RTTN: variants seen among roughly 807,000 people sequenced by gnomAD.
RTTN encodes rotatin.
RTTN carries 182 observed loss-of-function variants against 269.2 expected under a neutral mutation model. That is an observed-to-expected ratio of 0.68 (90% CI 0.60 to 0.76). The LOEUF (loss-of-function observed/expected upper bound fraction) is 0.76. RTTN is among the 30% of genes least tolerant of loss of function. The pLI, the probability that RTTN is intolerant of heterozygous loss-of-function variation, is 0.00. For missense variants in RTTN, 2,545 were observed against 2,608.6 expected, an observed-to-expected ratio of 0.98 and a Z score of 0.53; for synonymous variants, 1,006 against 963.5, an observed-to-expected ratio of 1.04 and a Z score of -0.82.
chr18:70,140,094 C>G lies in RTTN; in HGVS notation c.2670+6G>C. On this transcript the variant is annotated splice_donor_region_variant and intron_variant, in intron 20 of 48. Coordinates refer to ENST00000640769, the MANE Select transcript of RTTN (RefSeq NM_173630.4). ...AAAACAATGTCTAGATGCACATTAG[C>G]CTTACCTTGCCATCTTGACTCACAC... 6.4e-7 allele frequency: 1 copy of G among 1,563,028 alleles called. No homozygotes were observed. Among genetic ancestry groups the G allele is most frequent in the East Asian group, 2.3e-5 (1 of 44,406 alleles).
intron 43 of RTTN, among the ~76,000 whole-genome samples, chr18:70,026,186 C>T (rs762880671): frequency 2.1e-4 from 32 of 152,174 alleles, no homozygotes; most frequent in South Asian, 6.2e-4. Context: ...TTGCCAACAA[C>T]GCTTAAGCAC....
intron 8 of RTTN, among the ~76,000 whole-genome samples, chr18:70,191,138 G>A (rs1313443447): frequency 6.6e-6 from 1 of 151,592 alleles, no homozygotes; most frequent in Non-Finnish European, 1.5e-5. Context: ...ACGTTGCAGT[G>A]AGCTGAGATA....
At position 70,075,464 on chromosome 18, in the gene RTTN, G is replaced by A. The variant is rs1189460661; in HGVS notation, c.4452C>T (p.Cys1484=). ...TCTGATTCAAATGTTCATAAAAATG[G>A]CAGTGATATAAAAGAGCCTGAAGGG... ...KPALQALLYH[C]HFYEHLNQMV... Residue 1484 remains cysteine (C), a synonymous_variant, in exon 33 of 49, where the codon TGC becomes TGT. Transcript: ENST00000640769. 1 of 1,608,724 alleles carries A rather than the reference G, an allele frequency of 6.2e-7. No individual in the cohort carries two copies. The highest frequency in any genetic ancestry group is 2.2e-5 in the East Asian group (1 of 44,662).
chr18:70,176,773 C>A lies in RTTN; in HGVS notation c.1378G>T (p.Glu460Ter). The A allele has an allele frequency of 6.2e-7, 1 of 1,614,114 alleles. No homozygotes were observed. Among genetic ancestry groups the A allele is most frequent in the Non-Finnish European group, 8.5e-7 (1 of 1,179,986 alleles). Residue 460 changes from glutamate (E) to a stop codon, truncating the protein, a stop_gained, in exon 11 of 49, where the codon GAG (glutamate) becomes TAG (stop). Transcript: ENST00000640769. LOFTEE classifies it high-confidence loss of function. Reference sequence around the variant, plus strand: ...TGCACAAGCATCACCTCTGGCTGCTCCAAACTGATACTACTTTTATGGTAG... The same window carrying A: ...TGCACAAGCATCACCTCTGGCTGCTACAAACTGATACTACTTTTATGGTAG... The part of the protein sequence containing the change: ...MCYHKSSISL[E>*]QPEVMLVHHR...
At chr18:70,139,041 A>ACCTTAC (rs1472671207) in intron 21 of RTTN, 5 of 151,856 alleles carry the variant, frequency 3.3e-5, no homozygotes, top group African/African-American at 1.2e-4. Context: ...ACAAAACTAC[A>ACCTTAC]TGAAACGTGT....
At chr18:70,096,159 G>A (rs1385583131) in intron 28 of RTTN, among the ~76,000 whole-genome samples, 1 of 151,960 alleles carries the variant, frequency 6.6e-6, no homozygotes, top group Non-Finnish European at 1.5e-5. Context: ...GGTCATTTAT[G>A]TTCTTCTCTA....
chr18:70,182,717 T>C (rs192165018), intron 10 of RTTN, among the ~76,000 whole-genome samples: 119 of 152,340 alleles, frequency 7.8e-4, no homozygotes, highest in Non-Finnish European at 8.2e-4. Flanking sequence ...TGGTATTCCA[T>C]AGATCTCTTA....
In RTTN at chr18:70,190,462, GAA is replaced by G. The variant is rs2061644156; in HGVS notation, c.1189+74_1189+75del. 2.6e-6 allele frequency: 3 copies of G among 1,175,956 alleles called. No homozygotes were observed. In the Admixed American group the frequency reaches 6.0e-5, roughly 24 times the overall value. The allele number at this position is 1,175,956 out of a possible 1,614,324, so 72.8% of individuals were successfully genotyped here. On this transcript the variant is annotated intron_variant, in intron 9 of 48. Coordinates refer to ENST00000640769, the MANE Select transcript of RTTN (RefSeq NM_173630.4). Reference sequence around the variant, plus strand: ...ATTCCAAAGGCCCTAACATAGAAGAGAAAAAAAGGAAAATCCTAACGAAATAC... The same window carrying G: ...ATTCCAAAGGCCCTAACATAGAAGAGAAAAAGGAAAATCCTAACGAAATAC...
At chr18:70,015,948 G>C (rs2056525371) in intron 46 of RTTN, among the ~76,000 whole-genome samples, 1 of 152,128 alleles carries the variant, frequency 6.6e-6, no homozygotes. Flanking sequence ...GCCCTGAGGA[G>C]GGATTATCAT....
At chr18:70,092,298 T>G in intron 29 of RTTN, 78 bp from the exon 30 acceptor site, 1 of 925,106 alleles carries the variant, frequency 1.1e-6, no homozygotes, top group African/African-American at 1.7e-5. Flanking sequence ...AAACAAGAAT[T>G]TTTAATGAAA....
chr18:70,146,249 CCAAA>C (rs892191807), intron 17 of RTTN, among the ~76,000 whole-genome samples: 18 of 152,186 alleles, frequency 1.2e-4, no homozygotes, highest in African/African-American at 2.6e-4. Context: ...ATATTAGGGG[CCAAA>C]CAGATTCCTG....
chr18:70,080,081 T>C (rs1416807033), intron 32 of RTTN, among the ~76,000 whole-genome samples: 1 of 151,538 alleles, frequency 6.6e-6, no homozygotes, highest in Non-Finnish European at 1.5e-5. Flanking sequence ...CAAGTACTCA[T>C]TGTCTTCTGG....
At chr18:70,095,681 G>A (rs2058983381) in intron 28 of RTTN, among the ~76,000 whole-genome samples, 1 of 152,154 alleles carries the variant, frequency 6.6e-6, no homozygotes, top group African/African-American at 2.4e-5. Flanking sequence ...TAACAGGGAT[G>A]GGCTTCCCTT....
intron 14 of RTTN, among the ~76,000 whole-genome samples, chr18:70,163,650 C>T (rs2060906948): frequency 6.6e-6 from 1 of 152,128 alleles, no homozygotes; most frequent in African/African-American, 2.4e-5. Flanking sequence ...ATCTGAAATG[C>T]TTGGGACCAG....
intron 28 of RTTN, among the ~76,000 whole-genome samples, chr18:70,097,386 T>G (rs2059030334): frequency 6.6e-6 from 1 of 152,222 alleles, no homozygotes; most frequent in Non-Finnish European, 1.5e-5. Flanking sequence ...TAAGCCTTAC[T>G]TTATTCTTTA....
At chr18:70,086,832 T>C in intron 31 of RTTN, 148 bp from the exon 32 acceptor site, 1 of 722,178 alleles carries the variant, frequency 1.4e-6, no homozygotes, top group Non-Finnish European at 2.3e-6. Context: ...TGAGAGGTCA[T>C]TATGAGAATT....
intron 47 of RTTN, chr18:70,005,985 T>A (rs1323417625): frequency 6.2e-6 from 1 of 161,902 alleles, no homozygotes; most frequent in African/African-American, 2.4e-5. Flanking sequence ...GCTGCAGTCG[T>A]ACAAGAACTG....
rs1458557317 is a variant in RTTN, at chr18:70,024,712, A to T, written c.5950+10T>A. The T allele has an allele frequency of 1.9e-6, 3 of 1,610,458 alleles. No homozygotes were observed. In the Admixed American group the frequency reaches 5.0e-5, roughly 27 times the overall value. On this transcript the variant is annotated intron_variant, in intron 44 of 48. Coordinates refer to ENST00000640769, the MANE Select transcript of RTTN (RefSeq NM_173630.4). ...GTATATTATTGAAAGGCAGTATTGG[A>T]TCCTATTACCATTTGGAAAATTTGC...
intron 46 of RTTN, among the ~76,000 whole-genome samples, chr18:70,009,511 T>C (rs948804798): frequency 2.6e-5 from 4 of 152,100 alleles, no homozygotes; most frequent in African/African-American, 9.7e-5. Context: ...AATAAAATCC[T>C]TTACAGAAAA....
Sources: allele counts gnomAD v4.1 joint callset (sites outside exome capture counted in the v4.1 genomes callset), GRCh38; gene constraint gnomAD v4.1.1; transcripts MANE v1.5; gene names NCBI Gene and HGNC (gene_info 2026-07-23, HGNC 2026-07-21).